Variants in MACROD2 observed in about 807,000 individuals in gnomAD.
MACROD2 encodes ADP-ribose glycohydrolase MACROD2.
Under a neutral mutation model 70.4 loss-of-function variants are expected in MACROD2, and 36 were observed. The observed-to-expected ratio is 0.51, with a 90% CI of 0.39 to 0.68. The LOEUF is 0.68. Among genes scored for constraint, MACROD2 ranks in the 30% least tolerant of loss-of-function variants. The pLI is 0.00. For synonymous variants in MACROD2, 172 were observed against 178.8 expected, an observed-to-expected ratio of 0.96 and a Z score of 0.30; for missense variants, 496 against 538.4, an observed-to-expected ratio of 0.92 and a Z score of 0.78.
chr20:16,008,351 C>T (rs6131761), intron 15 of MACROD2, among the ~76,000 whole-genome samples: 4,251 of 152,290 alleles, frequency 0.028, 169 homozygotes, highest in East Asian at 0.2. Flanking sequence ...TCTCTCAAAC[C>T]GTGGATATAG....
chr20:14,460,161 T>C (rs997887499), intron 3 of MACROD2, among the ~76,000 whole-genome samples: 1 of 152,144 alleles, frequency 6.6e-6, no homozygotes, highest in African/African-American at 2.4e-5. Flanking sequence ...GTCTTTGCTA[T>C]TGTGAATAGT....
chr20:14,781,283 C>T (rs955655485), intron 5 of MACROD2, among the ~76,000 whole-genome samples: 7 of 151,804 alleles, frequency 4.6e-5, no homozygotes, highest in Admixed American at 3.9e-4. Flanking sequence ...TCATGGAAAT[C>T]TTTCTAAAAT....
chr20:14,246,267 T>C (rs979266760), intron 3 of MACROD2, among the ~76,000 whole-genome samples: 8 of 152,226 alleles, frequency 5.3e-5, no homozygotes, highest in Non-Finnish European at 1.2e-4. Flanking sequence ...GGATTTGCTC[T>C]GAGGACAATC....
chr20:15,673,075 T>C (rs1296730671), intron 8 of MACROD2, among the ~76,000 whole-genome samples: 2 of 152,212 alleles, frequency 1.3e-5, no homozygotes, highest in Non-Finnish European at 2.9e-5. Flanking sequence ...TTTTATGAAT[T>C]ACCCAGTCTT....
chr20:14,765,244 T>C (rs2072070864), intron 5 of MACROD2, among the ~76,000 whole-genome samples: 1 of 152,050 alleles, frequency 6.6e-6, no homozygotes, highest in Non-Finnish European at 1.5e-5. Context: ...CCGCTTTCTC[T>C]TTCTCCCCTA....
At chr20:14,757,169 G>A (rs909788968) in intron 5 of MACROD2, among the ~76,000 whole-genome samples, 1 of 152,018 alleles carries the variant, frequency 6.6e-6, no homozygotes, top group African/African-American at 2.4e-5. Flanking sequence ...GTAGAGTTTT[G>A]TTTCCTTCAT....
chr20:15,843,102 G>T (rs117516401), intron 8 of MACROD2, among the ~76,000 whole-genome samples: 1 of 152,068 alleles, frequency 6.6e-6, no homozygotes, highest in East Asian at 1.9e-4. Context: ...CCTCCACTCT[G>T]GACACTATGA....
chr20:15,219,791 G>A (rs948002407), intron 5 of MACROD2, among the ~76,000 whole-genome samples: 2 of 152,058 alleles, frequency 1.3e-5, no homozygotes, highest in African/African-American at 4.8e-5. Flanking sequence ...TGAATAGTGA[G>A]CCCATTAATT....
intron 4 of MACROD2, among the ~76,000 whole-genome samples, chr20:14,601,531 A>AT (rs146459648): frequency 2.6e-4 from 39 of 149,928 alleles, no homozygotes; most frequent in East Asian, 2.1e-3. Flanking sequence ...CCAAAACAGT[A>AT]TTTTTTTTTT....
intron 5 of MACROD2, among the ~76,000 whole-genome samples, chr20:15,105,751 AC>A (rs1157076404): frequency 6.6e-6 from 1 of 152,052 alleles, no homozygotes; most frequent in African/African-American, 2.4e-5. Flanking sequence ...GGGGTTGCCT[AC>A]CCCATGCCAC....
chr20:14,069,940 C>T (rs141594738), intron 2 of MACROD2, among the ~76,000 whole-genome samples: 113 of 151,940 alleles, frequency 7.4e-4, no homozygotes, highest in Non-Finnish European at 4.4e-4. Context: ...TGAGAAGCCA[C>T]GTGAAGCAGA....
intron 8 of MACROD2, among the ~76,000 whole-genome samples, chr20:15,560,100 A>C (rs13042710): frequency 1.3e-5 from 2 of 152,146 alleles, no homozygotes; most frequent in East Asian, 1.9e-4. Context: ...ACATATGGCT[A>C]TGGTGGTCTC....
intron 3 of MACROD2, among the ~76,000 whole-genome samples, chr20:14,099,576 C>G (rs1053413856): frequency 1.3e-5 from 2 of 152,120 alleles, no homozygotes; most frequent in Non-Finnish European, 2.9e-5. Flanking sequence ...ATCCTATCTA[C>G]TGTTGATGAG....
intron 8 of MACROD2, among the ~76,000 whole-genome samples, chr20:15,655,244 C>T (rs889237891): frequency 6.6e-6 from 1 of 151,580 alleles, no homozygotes. Context: ...AGAAAATTAC[C>T]TTGGTATGTG....
At chr20:15,744,728 A>G (rs1288594546) in intron 8 of MACROD2, among the ~76,000 whole-genome samples, 1 of 139,370 alleles carries the variant, frequency 7.2e-6, no homozygotes, top group Non-Finnish European at 1.6e-5. Flanking sequence ...ACACACACAC[A>G]CACACACACT....
intron 15 of MACROD2, among the ~76,000 whole-genome samples, chr20:15,999,050 C>T (rs1291184184): frequency 6.6e-6 from 1 of 151,898 alleles, no homozygotes; most frequent in Non-Finnish European, 1.5e-5. Context: ...CTAATTTGGG[C>T]TTTATTTCTT....
intron 6 of MACROD2, among the ~76,000 whole-genome samples, chr20:15,250,023 T>A (rs1353219821): frequency 6.6e-6 from 1 of 152,224 alleles, no homozygotes; most frequent in African/African-American, 2.4e-5. Flanking sequence ...TTTAAGGCAT[T>A]TCTTTACCTA....
Position 15,577,548 on chromosome 20 carries a change from G to A in MACROD2, c.645+77701G>A, listed in dbSNP as rs927522734. 3.3e-5 allele frequency among the ~76,000 whole-genome samples: 5 copies of A among 151,916 alleles called. No individual in the cohort carries two copies. In the East Asian group the frequency reaches 7.7e-4, roughly 23 times the overall value. On this transcript the variant is annotated intron_variant, in intron 8 of 17. Coordinates refer to ENST00000684519, the MANE Select transcript of MACROD2 (RefSeq NM_001351661.2). ...TTTTGGCCATATTTGGGTATAAATC[G>A]TTGGAAAAACCACTATTTGTAACAT... is the stretch of plus-strand genomic sequence containing the variant.
chr20:15,355,131 C>G (rs1027434246), intron 6 of MACROD2, among the ~76,000 whole-genome samples: 2 of 152,104 alleles, frequency 1.3e-5, no homozygotes, highest in Admixed American at 6.6e-5. Context: ...ATGCATTAAC[C>G]CACTGGAGTT....
Sources: allele counts gnomAD v4.1 joint callset (sites outside exome capture counted in the v4.1 genomes callset), GRCh38; gene constraint gnomAD v4.1.1; transcripts MANE v1.5; gene names NCBI Gene and HGNC (gene_info 2026-07-23, HGNC 2026-07-21).